Variants in TRIM13 observed in about 807,000 individuals in gnomAD.
TRIM13 encodes the protein E3 ubiquitin-protein ligase TRIM13.
Under a neutral mutation model 27.1 loss-of-function variants are expected in TRIM13, and 15 were observed. The observed-to-expected ratio is 0.55, with a 90% CI of 0.37 to 0.85. The LOEUF is 0.85. TRIM13 is among the 40% of genes least tolerant of loss of function. The probability of loss-of-function intolerance (pLI) is 0.00; values close to 1 mark genes in which losing one functional copy is unlikely to be tolerated. For synonymous variants in TRIM13, 193 were observed against 171.5 expected (o/e 1.13, Z -0.98); for missense variants, 402 against 472.2 (o/e 0.85, Z 1.38).
In TRIM13 at chr13:50,015,538, A is replaced by G. The variant is rs774378163; in HGVS notation, c.*2374A>G. Reference sequence around the variant, plus strand: ...TCACTTTGAATGTGGGAGGGAAGATATTCACGACAAGGTTTTCTACGATAA... The same window carrying G: ...TCACTTTGAATGTGGGAGGGAAGATGTTCACGACAAGGTTTTCTACGATAA... On this transcript the variant is annotated 3_prime_UTR_variant, in exon 2 of 2. Coordinates refer to ENST00000378182, the MANE Select transcript of TRIM13 (RefSeq NM_213590.3). The G allele has an allele frequency of 3.7e-6, 6 of 1,613,836 alleles. No individual in the cohort carries two copies. In the African/African-American group the frequency reaches 6.7e-5, roughly 18 times the overall value.
At chr13:50,001,862 A>G (rs775810998) in intron 1 of TRIM13, among the ~76,000 whole-genome samples, 68 of 152,212 alleles carry the variant, frequency 4.5e-4, no homozygotes, top group Non-Finnish European at 8.5e-4. Flanking sequence ...TCACCGGGAC[A>G]GTCTCTAAAA....
intron 1 of TRIM13, among the ~76,000 whole-genome samples, chr13:49,998,192 A>G (rs1016413059): frequency 2.6e-5 from 4 of 152,120 alleles, no homozygotes; most frequent in African/African-American, 9.7e-5. Flanking sequence ...TTAACCGGCT[A>G]TACTTCCTTC....
At chr13:50,001,997 C>G (rs186554846) in intron 1 of TRIM13, among the ~76,000 whole-genome samples, 40 of 152,096 alleles carry the variant, frequency 2.6e-4, no homozygotes, top group Non-Finnish European at 5.4e-4. Context: ...AGTGGTTTGT[C>G]AGAGGTTACA....
At position 50,014,350 on chromosome 13, in the gene TRIM13, T is replaced by TAA. The variant is rs1865251315; in HGVS notation, c.*1187_*1188insAA. ...AAAAAAAAAAAAAAAAAAAAATATA[T>TAA]ATATATATATACACACACACACACA... On this transcript the variant is annotated 3_prime_UTR_variant, in exon 2 of 2. Coordinates refer to ENST00000378182, the MANE Select transcript of TRIM13 (RefSeq NM_213590.3). 1.4e-5 allele frequency: 1 copy of TAA among 72,478 alleles called. No homozygotes were observed. The highest frequency in any genetic ancestry group is 2.8e-5 in the Non-Finnish European group (1 of 36,336). 4.5% of individuals were successfully genotyped at this position (72,478 alleles called of 1,614,324 possible). A position where few individuals can be genotyped will look rare whatever the true frequency, so the allele number is the denominator to read the frequency against.
chr13:50,015,084 AAAAAAAAAAAATATATATATATATAT>A lies in TRIM13; in HGVS notation c.*1922_*1947del, dbSNP rs1876229545. On this transcript the variant is annotated 3_prime_UTR_variant, in exon 2 of 2. Transcript: ENST00000378182. ...TTTCCCCTCCCAGTAATAAAAAAAA[AAAAAAAAAAAATATATATATATATAT>A]ATATATATATATATATATATATATA... 1.6e-4 allele frequency: 9 copies of A among 54,736 alleles called. No individual in the cohort carries two copies. The highest frequency in any genetic ancestry group is 3.0e-4 in the Non-Finnish European group (8 of 26,892). 3.4% of individuals were successfully genotyped at this position (54,736 alleles called of 1,614,324 possible). A position where few individuals can be genotyped will look rare whatever the true frequency, so the allele number is the denominator to read the frequency against.
At chr13:50,005,937 G>A (rs902987175) in intron 1 of TRIM13, among the ~76,000 whole-genome samples, 2 of 151,430 alleles carry the variant, frequency 1.3e-5, no homozygotes, top group Non-Finnish European at 1.5e-5. Context: ...GGCTGGTCTC[G>A]AACTCCCGAC....
intron 1 of TRIM13, among the ~76,000 whole-genome samples, chr13:49,999,239 A>AG (rs1873701265): frequency 2.6e-5 from 4 of 152,080 alleles, no homozygotes; most frequent in Admixed American, 2.6e-4. Flanking sequence ...TTAGGGTGGG[A>AG]GGGCCAGTCT....
In TRIM13 at chr13:50,016,914, A is replaced by C. The variant is rs1374177339; in HGVS notation, c.*3750A>C. ...AGGCGTATTTTAAGATATTTTCTTA[A>C]CTTGAGCAGTAGCCAACAGGAAGGA... On this transcript the variant is annotated 3_prime_UTR_variant, in exon 2 of 2. Transcript: ENST00000378182. 1 of 165,856 alleles carries C rather than the reference A, an allele frequency of 6.0e-6. No homozygotes were observed. Among genetic ancestry groups the C allele is most frequent in the Non-Finnish European group, 1.5e-5 (1 of 67,986 alleles). The allele number at this position is 165,856 out of a possible 1,614,324, so 10.3% of individuals were successfully genotyped here. A position where few individuals can be genotyped will look rare whatever the true frequency, so the allele number is the denominator to read the frequency against.
In TRIM13 at chr13:49,997,185, C is replaced by T. The variant is rs1276273272; in HGVS notation, c.-585C>T. The T allele has an allele frequency of 6.6e-6, 1 of 151,996 alleles. No individual in the cohort carries two copies. The highest frequency in any genetic ancestry group is 2.0e-4 in the East Asian group (1 of 5,124). The allele number at this position is 151,996 out of a possible 1,614,324, so 9.4% of individuals were successfully genotyped here. On this transcript the variant is annotated 5_prime_UTR_variant, in exon 1 of 2. Transcript: ENST00000378182. ...CCTCTCGGGAAAGCGGGGTGGTCCTCGAACCTTCAGCGAGGGTGGGGAGTT... is the reference window on the plus strand; with the variant it reads ...CCTCTCGGGAAAGCGGGGTGGTCCTTGAACCTTCAGCGAGGGTGGGGAGTT...
At position 50,013,341 on chromosome 13, in the gene TRIM13, A is replaced by G. The variant is rs780831173; in HGVS notation, c.*177A>G. 1.5e-5 allele frequency: 9 copies of G among 611,770 alleles called. No homozygotes were observed. Among genetic ancestry groups the G allele is most frequent in the Admixed American group, 3.8e-5 (1 of 26,524 alleles). The allele number at this position is 611,770 out of a possible 1,614,324, so 37.9% of individuals were successfully genotyped here. ...AAAGATAAAAGTGAAATTTAGTAGT[A>G]TAGGCCTGAACCTTTTTTTGTTTAA... On this transcript the variant is annotated 3_prime_UTR_variant, in exon 2 of 2. Transcript: ENST00000378182.
rs1876244904 is a variant in TRIM13 at position 50,015,088 on chromosome 13, A to G, written c.*1924A>G. On this transcript the variant is annotated 3_prime_UTR_variant, in exon 2 of 2. Transcript: ENST00000378182. ...CCCTCCCAGTAATAAAAAAAAAAAA[A>G]AAAAAAATATATATATATATATATA... is the stretch of plus-strand genomic sequence containing the variant. 1 of 49,256 alleles carries G rather than the reference A, an allele frequency of 2.0e-5. No homozygotes were observed. Among genetic ancestry groups the G allele is most frequent in the African/African-American group, 1.0e-4 (1 of 9,924 alleles). The allele number at this position is 49,256 out of a possible 1,614,324, so 3.1% of individuals were successfully genotyped here.
Position 50,012,104 on chromosome 13 carries a change from C to A in TRIM13, c.164C>A (p.Pro55His), listed in dbSNP as rs772137603. Residue 55 changes from proline (P) to histidine (H), a missense_variant, in exon 2 of 2, where the codon CCT becomes CAT. By Grantham distance (77) the Pro-to-His change is moderately conservative. Coordinates refer to ENST00000378182, the MANE Select transcript of TRIM13 (RefSeq NM_213590.3). ...SLWRPAPFKCPTCRKETSATG... is the reference protein window; with the variant it reads ...SLWRPAPFKCHTCRKETSATG... ...TGGAGACCAGCTCCATTCAAGTGTCCTACATGCCGTAAGGAAACTTCAGCT... is the reference window on the plus strand; with the variant it reads ...TGGAGACCAGCTCCATTCAAGTGTCATACATGCCGTAAGGAAACTTCAGCT... 6.2e-7 allele frequency: 1 copy of A among 1,614,076 alleles called. No individual in the cohort carries two copies. The highest frequency in any genetic ancestry group is 1.1e-5 in the South Asian group (1 of 91,080).
chr13:50,008,195 C>A (rs1041083447), intron 1 of TRIM13, among the ~76,000 whole-genome samples: 3 of 152,024 alleles, frequency 2.0e-5, no homozygotes, highest in African/African-American at 7.2e-5. Flanking sequence ...ATGAGCCACC[C>A]GTGCCCGGCC....
intron 1 of TRIM13, among the ~76,000 whole-genome samples, chr13:50,003,485 G>A (rs187062743): frequency 1.8e-4 from 28 of 152,266 alleles, no homozygotes; most frequent in East Asian, 1.9e-4. Context: ...ATGAACTTTT[G>A]TTTCAGAGTG....
chr13:49,997,424 A>G lies in TRIM13; in HGVS notation c.-346A>G, dbSNP rs1376420755. On this transcript the variant is annotated 5_prime_UTR_variant, in exon 1 of 2. Transcript: ENST00000378182. The stretch of plus-strand genomic sequence containing the variant: ...CTACCAGCGTCTCCACATCCCCTAG[A>G]AAAGAAAAGACGGGTGTGGGCCTTA... The G allele has an allele frequency of 6.6e-6, 1 of 152,136 alleles. No homozygotes were observed. The highest frequency in any genetic ancestry group is 1.5e-5 in the Non-Finnish European group (1 of 68,046). The allele number at this position is 152,136 out of a possible 1,614,324, so 9.4% of individuals were successfully genotyped here. A position where few individuals can be genotyped will look rare whatever the true frequency, so the allele number is the denominator to read the frequency against.
intron 1 of TRIM13, among the ~76,000 whole-genome samples, chr13:49,999,172 C>T (rs915563109): frequency 1.3e-5 from 2 of 151,970 alleles, no homozygotes; most frequent in African/African-American, 4.8e-5. Context: ...TAGGTAAAAC[C>T]ACGGGTGCAG....
chr13:50,009,756 A>AAAAAAC (rs1566438947), intron 1 of TRIM13, among the ~76,000 whole-genome samples: 1 of 122,644 alleles, frequency 8.2e-6, no homozygotes, highest in Non-Finnish European at 1.8e-5. Flanking sequence ...AAAAAAAAAA[A>AAAAAAC]AACAACAACA....
In TRIM13 at chr13:50,015,081, AAAAAAAAAAAAAAATATATATATATAT is replaced by A. The variant is rs1876214489; in HGVS notation, c.*1919_*1945del. On this transcript the variant is annotated 3_prime_UTR_variant, in exon 2 of 2. Transcript: ENST00000378182. ...GCTTTTCCCCTCCCAGTAATAAAAAAAAAAAAAAAAAAAATATATATATATATATATATATATATATATATATATATA... is the reference window on the plus strand; with the variant it reads ...GCTTTTCCCCTCCCAGTAATAAAAAAATATATATATATATATATATATATA... 8.9e-5 allele frequency: 3 copies of A among 33,856 alleles called. No homozygotes were observed. The highest frequency in any genetic ancestry group is 1.7e-4 in the Non-Finnish European group (3 of 17,696). The allele number at this position is 33,856 out of a possible 1,614,324, so 2.1% of individuals were successfully genotyped here. A position where few individuals can be genotyped will look rare whatever the true frequency, so the allele number is the denominator to read the frequency against.
rs765993786 is a variant in TRIM13 at position 50,015,559 on chromosome 13, G to C, written c.*2395G>C. ...AGATATTCACGACAAGGTTTTCTACGATAAAGCAGTTTCCTGCTTCTCGTT... is the reference window on the plus strand; with the variant it reads ...AGATATTCACGACAAGGTTTTCTACCATAAAGCAGTTTCCTGCTTCTCGTT... On this transcript the variant is annotated 3_prime_UTR_variant, in exon 2 of 2. Coordinates refer to ENST00000378182, the MANE Select transcript of TRIM13 (RefSeq NM_213590.3). The C allele has an allele frequency of 2.0e-5, 32 of 1,613,964 alleles. No homozygotes were observed. The highest frequency in any genetic ancestry group is 1.2e-4 in the Admixed American group (7 of 59,994).
Sources: allele counts gnomAD v4.1 joint callset (sites outside exome capture counted in the v4.1 genomes callset), GRCh38; gene constraint gnomAD v4.1.1; transcripts MANE v1.5; gene names NCBI Gene and HGNC (gene_info 2026-07-23, HGNC 2026-07-21).